The following STK39 variants were observed in gnomAD, a reference collection of about 807,000 sequenced individuals.
STK39 encodes the protein serine/threonine kinase 39.
In STK39, 20 loss-of-function variants were observed where a neutral mutation model predicts 77.8. That is an observed-to-expected ratio of 0.26 (90% confidence interval 0.18 to 0.37). The LOEUF (loss-of-function observed/expected upper bound fraction) is 0.37, where lower values mean the gene tolerates loss of function less well. Among genes scored for constraint, STK39 ranks in the 10% least tolerant of loss-of-function variants. The pLI is 1.00. For missense variants in STK39, 479 were observed against 656.5 expected, an observed-to-expected ratio of 0.73 and a Z score of 2.95; for synonymous variants, 246 against 234.1, an observed-to-expected ratio of 1.05 and a Z score of -0.47.
intron 1 of STK39, among the ~76,000 whole-genome samples, chr2:168,199,803 G>A (rs909824283): frequency 5.4e-5 from 8 of 149,382 alleles, no homozygotes; most frequent in Admixed American, 4.0e-4. Flanking sequence ...GTGAGCCACC[G>A]TGCCTGGCCA....
intron 10 of STK39, among the ~76,000 whole-genome samples, chr2:168,095,376 T>A (rs1686635453): frequency 6.6e-6 from 1 of 152,164 alleles, no homozygotes; most frequent in South Asian, 2.1e-4. Flanking sequence ...AGGTCATGTG[T>A]TAAAAATGCA....
intron 12 of STK39, among the ~76,000 whole-genome samples, chr2:168,068,615 G>A (rs561049407): frequency 2.0e-5 from 3 of 152,300 alleles, no homozygotes; most frequent in East Asian, 1.9e-4. Context: ...TCCCTGCAAC[G>A]TTTCTATAAA....
intron 10 of STK39, among the ~76,000 whole-genome samples, chr2:168,076,004 CA>C (rs1686068336): frequency 6.6e-6 from 1 of 151,014 alleles, no homozygotes; most frequent in African/African-American, 2.5e-5. Context: ...GTTGGAAAAG[CA>C]AAACTTTTAA....
intron 10 of STK39, among the ~76,000 whole-genome samples, chr2:168,088,002 C>T (rs1345941587): frequency 6.6e-6 from 1 of 152,124 alleles, no homozygotes; most frequent in Non-Finnish European, 1.5e-5. Context: ...ATATAATCGA[C>T]ACCACCCCCT....
intron 1 of STK39, among the ~76,000 whole-genome samples, chr2:168,245,118 T>C (rs1024351993): frequency 6.6e-6 from 1 of 152,240 alleles, no homozygotes; most frequent in African/African-American, 2.4e-5. Flanking sequence ...GATACCATTA[T>C]TCAACTTTTA....
chr2:167,962,532 A>C (rs181942675), intron 17 of STK39, among the ~76,000 whole-genome samples: 85 of 152,312 alleles, frequency 5.6e-4, no homozygotes, highest in African/African-American at 1.9e-3. Flanking sequence ...ATAAGCCATC[A>C]ATTTCCATTT....
chr2:168,089,863 T>C (rs923797660), intron 10 of STK39, among the ~76,000 whole-genome samples: 2 of 152,228 alleles, frequency 1.3e-5, no homozygotes, highest in Admixed American at 6.5e-5. Context: ...TGCACTTGCC[T>C]TGTCCTCCCA....
chr2:168,061,788 T>A (rs1039832289), intron 14 of STK39, among the ~76,000 whole-genome samples: 2 of 152,300 alleles, frequency 1.3e-5, no homozygotes, highest in Admixed American at 6.5e-5. Context: ...CAAATGGCTC[T>A]CAGAAAAATA....
chr2:168,167,218 T>A, intron 3 of STK39, 81 bp downstream of exon 3: 1 of 1,179,346 alleles, frequency 8.5e-7, no homozygotes, highest in South Asian at 1.3e-5. Context: ...AAGGATTCAA[T>A]CTAAAGTCTT....
At chr2:167,980,640 C>A (rs1683390406) in intron 16 of STK39, among the ~76,000 whole-genome samples, 1 of 152,096 alleles carries the variant, frequency 6.6e-6, no homozygotes, top group African/African-American at 2.4e-5. Flanking sequence ...CAAGCAGAGG[C>A]TCTCTCACAC....
chr2:168,179,258 C>A (rs894511161), intron 2 of STK39, among the ~76,000 whole-genome samples: 4 of 152,130 alleles, frequency 2.6e-5, no homozygotes, highest in African/African-American at 9.7e-5. Flanking sequence ...TGTGAGCCCT[C>A]TGAAATAATA....
intron 10 of STK39, among the ~76,000 whole-genome samples, chr2:168,093,637 C>T (rs1686584568): frequency 6.6e-6 from 1 of 152,184 alleles, no homozygotes; most frequent in Admixed American, 6.5e-5. Flanking sequence ...CTATTCTCTG[C>T]CTGCTCTGCC....
chr2:168,231,800 T>G (rs951833156), intron 1 of STK39: 1 of 214,678 alleles, frequency 4.7e-6, no homozygotes, highest in African/African-American at 2.3e-5. Context: ...AAAGTGCCAG[T>G]ATACTAGCAG....
chr2:167,997,233 T>C lies in STK39; in HGVS notation c.1498+15401A>G, dbSNP rs138358025. On this transcript the variant is annotated intron_variant, in intron 16 of 17. Transcript: ENST00000355999. ...AAGTAGGACAACAGTGGTTCAGTCA[T>C]TCTTCCCTACGTGCAATTTCTACCT... is the stretch of plus-strand genomic sequence containing the variant. Among the ~76,000 whole-genome samples the C allele has an allele frequency of 1.3e-3, 191 of 151,980 alleles. 1 individual carries two copies. Among genetic ancestry groups the C allele is most frequent in the African/African-American group, 4.1e-3 (168 of 41,442 alleles).
At chr2:168,239,863 G>A (rs58169289) in intron 1 of STK39, among the ~76,000 whole-genome samples, 2,421 of 152,346 alleles carry the variant, frequency 0.016, 74 homozygotes, top group African/African-American at 0.056. Context: ...AGGGCAAGGG[G>A]GGAGGGGGGC....
chr2:168,079,611 G>A (rs1476821030), intron 10 of STK39, among the ~76,000 whole-genome samples: 1 of 152,234 alleles, frequency 6.6e-6, no homozygotes, highest in Non-Finnish European at 1.5e-5. Context: ...GGCAACAGCA[G>A]CACCTGGGAG....
intron 2 of STK39, among the ~76,000 whole-genome samples, chr2:168,168,590 A>C (rs1476679588): frequency 6.6e-6 from 1 of 152,232 alleles, no homozygotes; most frequent in Non-Finnish European, 1.5e-5. Context: ...TTGCTTGTCC[A>C]GTACTGCCTA....
rs374831174 is a variant in STK39 at position 168,129,571 on chromosome 2, T to C, written c.1059A>G (p.Arg353=). The C allele has an allele frequency of 1.5e-5, 25 of 1,614,000 alleles. No homozygotes were observed. Among genetic ancestry groups the C allele is most frequent in the Non-Finnish European group, 2.1e-5 (25 of 1,179,976 alleles). The change falls in exon 10 of 18, where the codon AGA becomes AGG. Residue 353 remains arginine, a synonymous_variant. Coordinates refer to ENST00000355999, the MANE Select transcript of STK39 (RefSeq NM_013233.3). ...REYLIEKLLT[R]TPDIAQRAKK... is the part of the protein sequence containing the mutation. ...TGGCTCTTTGGGCTATGTCTGGTGTTCTTGTAAGCAGCTTCTCAATCAGGT... is the reference window on the plus strand; with the variant it reads ...TGGCTCTTTGGGCTATGTCTGGTGTCCTTGTAAGCAGCTTCTCAATCAGGT...
rs557018842 is a variant in STK39 at position 168,070,151 on chromosome 2, G to T, written c.1243-4770C>A. On this transcript the variant is annotated intron_variant, in intron 12 of 17. Transcript: ENST00000355999. The stretch of plus-strand genomic sequence containing the variant: ...TATAAGCTAGGAAACACTACCTAAG[G>T]AAACTGTCCTTGCAAATACCACCCC... 3.0e-4 allele frequency among the ~76,000 whole-genome samples: 46 copies of T among 152,158 alleles called. 1 individual carries two copies. Among genetic ancestry groups the T allele is most frequent in the Middle Eastern group, 6.8e-3 (2 of 294 alleles).
Sources: allele counts gnomAD v4.1 joint callset (sites outside exome capture counted in the v4.1 genomes callset), GRCh38; gene constraint gnomAD v4.1.1; transcripts MANE v1.5; gene names NCBI Gene and HGNC (gene_info 2026-07-23, HGNC 2026-07-21).